The following CCR4 variants were observed in gnomAD, a reference collection of about 807,000 sequenced individuals.
CCR4 encodes C-C chemokine receptor type 4.
CCR4 carries 9 observed loss-of-function variants against 17.1 expected under a neutral mutation model. The ratio of observed to expected loss-of-function variants is 0.53; its 90% CI spans 0.32 to 0.92. The LOEUF (loss-of-function observed/expected upper bound fraction) is 0.92, where lower values mean the gene tolerates loss of function less well. Among genes scored for constraint, CCR4 ranks in the 40% least tolerant of loss-of-function variants. The pLI, the probability that CCR4 is intolerant of heterozygous loss-of-function variation, is 0.04. For synonymous variants in CCR4, 217 were observed against 174.3 expected, an observed-to-expected ratio of 1.24 and a Z score of -1.93; for missense variants, 385 against 433.9, an observed-to-expected ratio of 0.89 and a Z score of 1.00.
rs990321018 is a variant in CCR4, at chr3:32,955,985, G to A, written c.*1480G>A. ...TCTGTCACCCAAGCTGGAGTGCAGT[G>A]GCACTCGGTTCACTGCAAAGTCTGC... On this transcript the variant is annotated 3_prime_UTR_variant, in exon 2 of 2. Coordinates refer to ENST00000330953, the MANE Select transcript of CCR4 (RefSeq NM_005508.5). 2 of 153,868 alleles carry A rather than the reference G, an allele frequency of 1.3e-5. No homozygotes were observed. The highest frequency in any genetic ancestry group is 4.9e-5 in the African/African-American group (2 of 41,174). The allele number at this position is 153,868 out of a possible 1,614,324, so 9.5% of individuals were successfully genotyped here.
At chr3:32,952,057 C>T (rs778294054) in intron 1 of CCR4, among the ~76,000 whole-genome samples, 2 of 135,890 alleles carry the variant, frequency 1.5e-5, no homozygotes, top group Non-Finnish European at 3.1e-5. Flanking sequence ...GCTTTTTGTT[C>T]TCCTGATAAT....
chr3:32,955,608 T>TG lies in CCR4; in HGVS notation c.*1103_*1104insG, dbSNP rs948370650. On this transcript the variant is annotated 3_prime_UTR_variant, in exon 2 of 2. Transcript: ENST00000330953. ...TTTATTTGAGGTCATTTACTTGTTT[T>TG]TTTTTTTTTTTTTTTTTTTGAGATG... The TG allele has an allele frequency of 9.6e-5, 14 of 145,644 alleles. No individual in the cohort carries two copies. The highest frequency in any genetic ancestry group is 3.1e-4 in the African/African-American group (11 of 35,520). The allele number at this position is 145,644 out of a possible 1,614,324, so 9.0% of individuals were successfully genotyped here.
In CCR4 at chr3:32,954,492, A is replaced by G. The variant is rs758277819; in HGVS notation, c.1070A>G (p.His357Arg). The change falls in exon 2 of 2, where the codon CAT (histidine) becomes CGT (arginine). Residue 357 changes from histidine to arginine, a missense_variant. Transcript: ENST00000330953. Reference sequence around the variant, plus strand: ...CAGTCCACCATGGATCATGATCTCCATGATGCTCTGTAGAAAAATGAAATG... The same window carrying G: ...CAGTCCACCATGGATCATGATCTCCGTGATGCTCTGTAGAAAAATGAAATG... ...YTQSTMDHDL[H>R]DAL is the part of the protein sequence containing the mutation. 2.0e-6 allele frequency: 3 copies of G among 1,527,040 alleles called. No homozygotes were observed. Among genetic ancestry groups the G allele is most frequent in the South Asian group, 2.7e-5 (2 of 75,280 alleles). The allele number at this position is 1,527,040 out of a possible 1,614,324, so 94.6% of individuals were successfully genotyped here. A position where few individuals can be genotyped will look rare whatever the true frequency, so the allele number is the denominator to read the frequency against.
Position 32,953,439 on chromosome 3 carries a change from T to G in CCR4, c.17T>G (p.Ile6Arg). 1 of 1,610,126 alleles carries G rather than the reference T, an allele frequency of 6.2e-7. No homozygotes were observed. ...AGTTAAAAAATGAACCCCACGGATA[T>G]AGCAGACACCACCCTCGATGAAAGC... MNPTD[I>R]ADTTLDESIY... Residue 6 changes from isoleucine (I) to arginine (R), a missense_variant, in exon 2 of 2, where the codon ATA (isoleucine) becomes AGA (arginine). Coordinates refer to ENST00000330953, the MANE Select transcript of CCR4 (RefSeq NM_005508.5).
At chr3:32,951,967 T>C (rs979664277) in intron 1 of CCR4, among the ~76,000 whole-genome samples, 2 of 152,198 alleles carry the variant, frequency 1.3e-5, no homozygotes, top group Non-Finnish European at 2.9e-5. Flanking sequence ...TTCTTGCTTC[T>C]AGCAAGACTC....
chr3:32,954,561 T>TA lies in CCR4; in HGVS notation c.*60dup. The TA allele has an allele frequency of 4.1e-6, 6 of 1,468,600 alleles. No individual in the cohort carries two copies. Among genetic ancestry groups the TA allele is most frequent in the Non-Finnish European group, 4.5e-6 (5 of 1,108,050 alleles). The allele number at this position is 1,468,600 out of a possible 1,614,324, so 91.0% of individuals were successfully genotyped here. A position where few individuals can be genotyped will look rare whatever the true frequency, so the allele number is the denominator to read the frequency against. On this transcript the variant is annotated 3_prime_UTR_variant, in exon 2 of 2. Coordinates refer to ENST00000330953, the MANE Select transcript of CCR4 (RefSeq NM_005508.5). ...GAACTTTCCACATTCAGAGCTTACT[T>TA]AAAATTGTATTTTAGTAAGAGATTC...
Position 32,954,020 on chromosome 3 carries a change from G to T in CCR4, c.598G>T (p.Val200Phe), listed in dbSNP as rs765239072. The T allele has an allele frequency of 1.2e-6, 2 of 1,614,120 alleles. No homozygotes were observed. Among genetic ancestry groups the T allele is most frequent in the Non-Finnish European group, 8.5e-7 (1 of 1,180,038 alleles). Residue 200 changes from valine (V) to phenylalanine (F), a missense_variant, in exon 2 of 2, where the codon GTT becomes TTT. Val to Phe is a conservative substitution (Grantham distance 50). Coordinates refer to ENST00000330953, the MANE Select transcript of CCR4 (RefSeq NM_005508.5). ...CTCTCTCAACTCCACGACGTGGAAG[G>T]TTCTCAGCTCCCTGGAAATCAACAT... The part of the protein sequence containing the change: ...KYSLNSTTWK[V>F]LSSLEINILG...
At chr3:32,952,354 A>G (rs1474869796) in intron 1 of CCR4, among the ~76,000 whole-genome samples, 2 of 151,994 alleles carry the variant, frequency 1.3e-5, no homozygotes, top group South Asian at 2.1e-4. Flanking sequence ...TCCTGGGCTC[A>G]AGGGATCCTC....
At position 32,955,947 on chromosome 3, in the gene CCR4, G is replaced by A. The variant is rs1695718233; in HGVS notation, c.*1442G>A. ...TTATTTTATTTTATTTTATTTTTGA[G>A]ATGGAGTCTCACTCTGTCACCCAAG... On this transcript the variant is annotated 3_prime_UTR_variant, in exon 2 of 2. Transcript: ENST00000330953. 6.6e-6 allele frequency: 1 copy of A among 150,424 alleles called. No homozygotes were observed. Among genetic ancestry groups the A allele is most frequent in the African/African-American group, 2.5e-5 (1 of 40,486 alleles). 9.3% of individuals were successfully genotyped at this position (150,424 alleles called of 1,614,324 possible).
In CCR4 at chr3:32,954,029, T is replaced by A. The variant is rs1697724660; in HGVS notation, c.607T>A (p.Ser203Thr). The A allele has an allele frequency of 6.2e-7, 1 of 1,613,990 alleles. No homozygotes were observed. The highest frequency in any genetic ancestry group is 1.7e-5 in the Admixed American group (1 of 59,986). The change falls in exon 2 of 2, where the codon TCC becomes ACC. Residue 203 changes from serine (S) to threonine (T), a missense_variant. Transcript: ENST00000330953. ...LNSTTWKVLS[S>T]LEINILGLVI... The stretch of plus-strand genomic sequence containing the variant: ...CTCCACGACGTGGAAGGTTCTCAGC[T>A]CCCTGGAAATCAACATTCTCGGATT...
chr3:32,952,310 C>G (rs138890882), intron 1 of CCR4, among the ~76,000 whole-genome samples: 1 of 151,736 alleles, frequency 6.6e-6, no homozygotes, highest in East Asian at 1.9e-4. Context: ...GGTTGAAGTG[C>G]AATGGTGCCA....
chr3:32,956,292 C>A lies in CCR4; in HGVS notation c.*1787C>A, dbSNP rs1169142461. The stretch of plus-strand genomic sequence containing the variant: ...TAAGGATTAATAAAGTATGACAATA[C>A]CTCCTTAATCATTTTGAAGTGCCTG... On this transcript the variant is annotated 3_prime_UTR_variant, in exon 2 of 2. Coordinates refer to ENST00000330953, the MANE Select transcript of CCR4 (RefSeq NM_005508.5). 1.2e-5 allele frequency: 2 copies of A among 166,982 alleles called. No individual in the cohort carries two copies. The highest frequency in any genetic ancestry group is 2.4e-5 in the African/African-American group (1 of 41,412). 10.3% of individuals were successfully genotyped at this position (166,982 alleles called of 1,614,324 possible).
In CCR4 at chr3:32,956,069, T is replaced by G. The variant is rs939033851; in HGVS notation, c.*1564T>G. ...TCTCAAGCAGCTGGGATTAGAGGTG[T>G]GCACCACTACGCCAGGCTAATTTTT... On this transcript the variant is annotated 3_prime_UTR_variant, in exon 2 of 2. Coordinates refer to ENST00000330953, the MANE Select transcript of CCR4 (RefSeq NM_005508.5). 2 of 164,518 alleles carry G rather than the reference T, an allele frequency of 1.2e-5. No individual in the cohort carries two copies. The highest frequency in any genetic ancestry group is 4.8e-5 in the African/African-American group (2 of 41,322). 10.2% of individuals were successfully genotyped at this position (164,518 alleles called of 1,614,324 possible). A position where few individuals can be genotyped will look rare whatever the true frequency, so the allele number is the denominator to read the frequency against.
chr3:32,953,293 G>A (rs1012038424), intron 1 of CCR4, 79 bp from the exon 2 acceptor site: 45 of 1,073,398 alleles, frequency 4.2e-5, no homozygotes, highest in Admixed American at 2.2e-4. Flanking sequence ...AAAACAGTAC[G>A]CAGCCATGCT....
At position 32,954,252 on chromosome 3, in the gene CCR4, C is replaced by T. The variant is rs771005249; in HGVS notation, c.830C>T (p.Thr277Ile). 1 of 1,614,060 alleles carries T rather than the reference C, an allele frequency of 6.2e-7. No individual in the cohort carries two copies. The highest frequency in any genetic ancestry group is 1.7e-5 in the Admixed American group (1 of 60,004). The change falls in exon 2 of 2, where the codon ACC becomes ATC. Residue 277 changes from threonine to isoleucine, a missense_variant. By Grantham distance (89) the Thr-to-Ile change is moderately conservative. Transcript: ENST00000330953. ...GAGCTAGAAGTCCTTCAGGACTGCA[C>T]CTTTGAAAGATACTTGGACTATGCC... ...LVELEVLQDC[T>I]FERYLDYAIQ...
intron 1 of CCR4, 35 bp downstream of exon 1, chr3:32,951,725 G>A (rs1697676766): frequency 1.3e-5 from 2 of 152,560 alleles, no homozygotes; most frequent in South Asian, 2.1e-4. Flanking sequence ...AGGGTCTTGG[G>A]TCGCACACTG....
Position 32,954,941 on chromosome 3 carries a change from T to C in CCR4, c.*436T>C, listed in dbSNP as rs1169100872. On this transcript the variant is annotated 3_prime_UTR_variant, in exon 2 of 2. Coordinates refer to ENST00000330953, the MANE Select transcript of CCR4 (RefSeq NM_005508.5). ...AATTTCTTGCTTTTGCGGAACAATATAGATAACTGTTTTTCTAATAACATA... is the reference window on the plus strand; with the variant it reads ...AATTTCTTGCTTTTGCGGAACAATACAGATAACTGTTTTTCTAATAACATA... 4.7e-5 allele frequency: 8 copies of C among 170,722 alleles called. No homozygotes were observed. The allele number at this position is 170,722 out of a possible 1,614,324, so 10.6% of individuals were successfully genotyped here.
chr3:32,955,025 T>G lies in CCR4; in HGVS notation c.*520T>G, dbSNP rs1695694223. ...TATGAAGAAACAATTAGCGAAGTGA[T>G]GAAACCAGATCTCAATTATTTATTG... On this transcript the variant is annotated 3_prime_UTR_variant, in exon 2 of 2. Transcript: ENST00000330953. 6.0e-6 allele frequency: 1 copy of G among 167,480 alleles called. No individual in the cohort carries two copies. Among genetic ancestry groups the G allele is most frequent in the Admixed American group, 6.5e-5 (1 of 15,308 alleles). The allele number at this position is 167,480 out of a possible 1,614,324, so 10.4% of individuals were successfully genotyped here.
At position 32,953,812 on chromosome 3, in the gene CCR4, C is replaced by T. The variant is rs769297522; in HGVS notation, c.390C>T (p.Leu130=). 2 of 1,614,106 alleles carry T rather than the reference C, an allele frequency of 1.2e-6. No homozygotes were observed. The highest frequency in any genetic ancestry group is 4.5e-5 in the East Asian group (2 of 44,878). ...GFYSGIFFVM[L]MSIDRYLAIV... The stretch of plus-strand genomic sequence containing the variant: ...ACAGTGGCATATTCTTTGTCATGCT[C>T]ATGAGCATTGATAGATACCTGGCAA... Residue 130 remains leucine, a synonymous_variant, in exon 2 of 2, where the codon CTC becomes CTT. Coordinates refer to ENST00000330953, the MANE Select transcript of CCR4 (RefSeq NM_005508.5).
Sources: gnomAD v4.1 joint callset for allele counts (sites outside exome capture counted in the v4.1 genomes callset) on GRCh38, gnomAD v4.1.1 for gene constraint, MANE v1.5 for transcripts, NCBI Gene and HGNC (gene_info 2026-07-23, HGNC 2026-07-21) for gene names.